The following PHACTR1 variants were observed in gnomAD, a reference collection of about 807,000 sequenced individuals.
PHACTR1 encodes RPEL repeat containing 1.
Under a neutral mutation model 69.2 loss-of-function variants are expected in PHACTR1, and 16 were observed. The ratio of observed to expected loss-of-function variants is 0.23; its 90% CI spans 0.16 to 0.35. PHACTR1 has a LOEUF of 0.35. Ranked by LOEUF, PHACTR1 falls within the 10% of genes least tolerant of loss-of-function variation. PHACTR1 has a pLI of 1.00. For synonymous variants in PHACTR1, 312 were observed against 284.5 expected (o/e 1.10, Z -0.97); for missense variants, 510 against 734.7 (o/e 0.69, Z 3.54).
In PHACTR1 at chr6:12,895,266, C is replaced by T. The variant is rs571719567; in HGVS notation, c.250+145476C>T. 7.4e-5 allele frequency among the ~76,000 whole-genome samples: 11 copies of T among 148,656 alleles called. No individual in the cohort carries two copies. In the South Asian group the frequency reaches 2.3e-3, roughly 32 times the overall value. On this transcript the variant is annotated intron_variant, in intron 4 of 14. Transcript: ENST00000332995. The stretch of plus-strand genomic sequence containing the variant: ...GCATGATCTCGGCAAACTGCAGCCT[C>T]TGCCTCCCAGGTTCCAGCGATTCTC...
intron 6 of PHACTR1, among the ~76,000 whole-genome samples, chr6:13,175,447 G>A (rs141080357): frequency 3.9e-5 from 6 of 152,292 alleles, no homozygotes; most frequent in Admixed American, 6.5e-5. Flanking sequence ...GAGAGCTAGT[G>A]ATGGCCAGGA....
At position 13,254,308 on chromosome 6, in the gene PHACTR1, T is replaced by C. The variant is rs951815765; in HGVS notation, c.1392-18552T>C. Among the ~76,000 whole-genome samples the C allele has an allele frequency of 2.0e-5, 3 of 152,204 alleles. No homozygotes were observed. The East Asian group carries it at 5.8e-4, about 29-fold the overall frequency. ...AATTAATTGAGGTAATTTGCAAACA[T>C]TAGAGGTTATGTATTTTTGTGACAT... On this transcript the variant is annotated intron_variant, in intron 10 of 14. Coordinates refer to ENST00000332995, the MANE Select transcript of PHACTR1 (RefSeq NM_030948.6).
At chr6:12,952,326 C>T (rs746319291) in intron 4 of PHACTR1, among the ~76,000 whole-genome samples, 6 of 152,154 alleles carry the variant, frequency 3.9e-5, no homozygotes, top group Non-Finnish European at 5.9e-5. Context: ...ATGTTCTCAC[C>T]ACTGTAGTAT....
At chr6:12,912,526 G>C (rs1214044397) in intron 4 of PHACTR1, among the ~76,000 whole-genome samples, 1 of 152,212 alleles carries the variant, frequency 6.6e-6, no homozygotes, top group Non-Finnish European at 1.5e-5. Context: ...AAGTAAACAT[G>C]CAAGGGATGT....
intron 4 of PHACTR1, among the ~76,000 whole-genome samples, chr6:12,935,434 G>C (rs575388927): frequency 6.6e-6 from 1 of 152,082 alleles, no homozygotes; most frequent in East Asian, 1.9e-4. Context: ...AGTAGAAATG[G>C]GGTTTCACCA....
At chr6:12,731,663 T>C (rs192476591) in intron 3 of PHACTR1, among the ~76,000 whole-genome samples, 3 of 152,302 alleles carry the variant, frequency 2.0e-5, no homozygotes, top group Admixed American at 1.3e-4. Context: ...ATTGACCCCA[T>C]TTTAGAGATG....
intron 5 of PHACTR1, among the ~76,000 whole-genome samples, chr6:13,064,073 T>G (rs1334908625): frequency 6.6e-6 from 1 of 152,218 alleles, no homozygotes; most frequent in East Asian, 1.9e-4. Flanking sequence ...AATTTACTTG[T>G]GATAGAATTA....
At chr6:12,901,931 G>A (rs917799025) in intron 4 of PHACTR1, among the ~76,000 whole-genome samples, 1 of 152,166 alleles carries the variant, frequency 6.6e-6, no homozygotes, top group Non-Finnish European at 1.5e-5. Context: ...CAAGGGAAGT[G>A]GGGGGAATTT....
At chr6:12,771,772 G>A (rs1769417342) in intron 4 of PHACTR1, among the ~76,000 whole-genome samples, 1 of 152,170 alleles carries the variant, frequency 6.6e-6, no homozygotes, top group East Asian at 1.9e-4. Flanking sequence ...AGGGAATTGG[G>A]ATCAGACTCC....
At chr6:13,223,330 C>G (rs1008651899) in intron 8 of PHACTR1, among the ~76,000 whole-genome samples, 1 of 152,140 alleles carries the variant, frequency 6.6e-6, no homozygotes, top group Non-Finnish European at 1.5e-5. Flanking sequence ...ATTTTCAGCT[C>G]TATTGCAACT....
intron 4 of PHACTR1, among the ~76,000 whole-genome samples, chr6:12,961,482 C>G (rs1164613037): frequency 6.6e-6 from 1 of 152,128 alleles, no homozygotes; most frequent in African/African-American, 2.4e-5. Context: ...AAAATAATTC[C>G]TACCCTACTG....
In PHACTR1 at chr6:13,091,809, T is replaced by G. The variant is rs137899684; in HGVS notation, c.415+38280T>G. On this transcript the variant is annotated intron_variant, in intron 5 of 14. Transcript: ENST00000332995. ...AGTTCACAATAGGGTTCGCAATTCTTTTTTTTGAGATGGAGTCTCCCTCTG... is the reference window on the plus strand; with the variant it reads ...AGTTCACAATAGGGTTCGCAATTCTGTTTTTTGAGATGGAGTCTCCCTCTG... Among the ~76,000 whole-genome samples, 527 of 152,078 alleles carry G rather than the reference T, an allele frequency of 3.5e-3. 2 individuals are homozygous for G. Among genetic ancestry groups the G allele is most frequent in the African/African-American group, 0.012 (506 of 41,486 alleles).
chr6:13,198,337 C>T (rs953936603), intron 7 of PHACTR1, among the ~76,000 whole-genome samples: 2 of 152,180 alleles, frequency 1.3e-5, no homozygotes, highest in Non-Finnish European at 2.9e-5. Flanking sequence ...GTCCCATGGG[C>T]AGGCGCCTCA....
Position 13,228,040 on chromosome 6 carries a change from A to G in PHACTR1, c.1211A>G (p.Asp404Gly), listed in dbSNP as rs752745324. The G allele has an allele frequency of 1.9e-6, 3 of 1,613,288 alleles. No individual in the cohort carries two copies. In the South Asian group the frequency reaches 3.3e-5, roughly 18 times the overall value. ...GAGGAGGAAGAGGAGGAGGACGAAG[A>G]CGACGACAGCTCATTATACACCAGT... ...REEEEEEEDE[D>G]DDSSLYTSSL... The change falls in exon 9 of 15, where the codon GAC becomes GGC. Residue 404 changes from aspartate (D) to glycine (G), a missense_variant. Physicochemically the swap from Asp to Gly is moderately conservative, Grantham distance 94. Transcript: ENST00000332995.
chr6:12,979,992 G>T (rs1795319865), intron 4 of PHACTR1, among the ~76,000 whole-genome samples: 1 of 152,102 alleles, frequency 6.6e-6, no homozygotes, highest in Non-Finnish European at 1.5e-5. Flanking sequence ...TTCACAATTA[G>T]CATGCTTTGT....
At chr6:13,168,773 G>A (rs1760188336) in intron 6 of PHACTR1, among the ~76,000 whole-genome samples, 1 of 152,210 alleles carries the variant, frequency 6.6e-6, no homozygotes, top group South Asian at 2.1e-4. Flanking sequence ...GACCAGTCCA[G>A]TTGGAGGCAC....
chr6:13,124,464 C>T (rs1329985575), intron 5 of PHACTR1, among the ~76,000 whole-genome samples: 3 of 152,222 alleles, frequency 2.0e-5, no homozygotes, highest in Admixed American at 1.3e-4. Context: ...TCACATGACT[C>T]AGTCATTTGG....
chr6:13,273,920 G>T (rs1365847781), intron 11 of PHACTR1: 1 of 45,848 alleles, frequency 2.2e-5, no homozygotes, highest in Non-Finnish European at 4.3e-5. Flanking sequence ...GCCCCGCCCC[G>T]CCCCGTGCCC....
chr6:13,074,280 A>G (rs966596207), intron 5 of PHACTR1, among the ~76,000 whole-genome samples: 1 of 152,190 alleles, frequency 6.6e-6, no homozygotes, highest in Non-Finnish European at 1.5e-5. Context: ...CACTCATATT[A>G]TAATTAAGGA....
Sources: gnomAD v4.1 joint callset for allele counts (sites outside exome capture counted in the v4.1 genomes callset) on GRCh38, gnomAD v4.1.1 for gene constraint, MANE v1.5 for transcripts, NCBI Gene and HGNC (gene_info 2026-07-23, HGNC 2026-07-21) for gene names.